ROBO2: variants seen among roughly 807,000 people sequenced by gnomAD.
ROBO2 encodes roundabout homolog 2.
Under a neutral mutation model 160.8 loss-of-function variants are expected in ROBO2, and 53 were observed. The observed-to-expected ratio is 0.33, with a 90% confidence interval of 0.26 to 0.41. ROBO2 has a LOEUF of 0.41. Ranked by LOEUF, ROBO2 falls within the 10% of genes least tolerant of loss-of-function variation. The pLI is 1.00. For missense variants in ROBO2, 1,577 were observed against 1,722.4 expected (o/e 0.92, Z 1.49); for synonymous variants, 664 against 611.7 (o/e 1.09, Z -1.26).
chr3:76,812,677 T>TA, intron 2 of ROBO2, among the ~76,000 whole-genome samples: 1 of 152,012 alleles, frequency 6.6e-6, no homozygotes, highest in African/African-American at 2.4e-5. Flanking sequence ...AGTTCTCAAA[T>TA]AAAAAACTTA....
chr3:77,262,196 A>C (rs529045700), intron 2 of ROBO2, among the ~76,000 whole-genome samples: 15 of 152,280 alleles, frequency 9.9e-5, no homozygotes, highest in Non-Finnish European at 1.6e-4. Context: ...GATGAAGGTC[A>C]AGCAAACATT....
At chr3:76,541,988 T>G (rs2082843179) in intron 2 of ROBO2, among the ~76,000 whole-genome samples, 1 of 152,162 alleles carries the variant, frequency 6.6e-6, no homozygotes. Context: ...GCACTTACCT[T>G]CACCAAATGC....
At chr3:76,328,908 T>TTA (rs201466987) in intron 2 of ROBO2, among the ~76,000 whole-genome samples, 7,632 of 135,816 alleles carry the variant, frequency 0.056, 216 homozygotes, top group East Asian at 0.11. Context: ...ATTTATGTTA[T>TTA]TATATATATA....
At chr3:76,814,957 C>G (rs1560612153) in intron 2 of ROBO2, among the ~76,000 whole-genome samples, 1 of 151,962 alleles carries the variant, frequency 6.6e-6, no homozygotes, top group Non-Finnish European at 1.5e-5. Flanking sequence ...AGAAAACAAG[C>G]AATTCATGCA....
chr3:76,802,031 G>T (rs2064239650), intron 2 of ROBO2, among the ~76,000 whole-genome samples: 1 of 152,102 alleles, frequency 6.6e-6, no homozygotes, highest in Admixed American at 6.5e-5. Context: ...TGTGAGCAGG[G>T]TCCATGGCAC....
At chr3:77,334,183 G>C (rs1442048759) in intron 2 of ROBO2, among the ~76,000 whole-genome samples, 1 of 152,176 alleles carries the variant, frequency 6.6e-6, no homozygotes, top group Non-Finnish European at 1.5e-5. Flanking sequence ...GCTGTACGTG[G>C]ATTAGGTAGT....
At chr3:77,430,881 A>G (rs561808201) in intron 2 of ROBO2, among the ~76,000 whole-genome samples, 150 of 152,320 alleles carry the variant, frequency 9.8e-4, no homozygotes, top group African/African-American at 3.5e-3. Flanking sequence ...AGATTCTGTC[A>G]GTGATTTTTG....
At chr3:77,457,605 C>A (rs1045209744) in intron 2 of ROBO2, among the ~76,000 whole-genome samples, 1 of 152,100 alleles carries the variant, frequency 6.6e-6, no homozygotes, top group East Asian at 1.9e-4. Context: ...CAACAGGGAT[C>A]ACTTTCTTTT....
chr3:77,312,376 T>C (rs970123874), intron 2 of ROBO2, among the ~76,000 whole-genome samples: 2 of 152,212 alleles, frequency 1.3e-5, no homozygotes, highest in Non-Finnish European at 2.9e-5. Context: ...GAGTTTTACC[T>C]GTATTATTTG....
At chr3:77,304,618 G>A (rs1043740140) in intron 2 of ROBO2, among the ~76,000 whole-genome samples, 3 of 152,126 alleles carry the variant, frequency 2.0e-5, no homozygotes, top group Non-Finnish European at 4.4e-5. Flanking sequence ...TTCCATCACT[G>A]AAATTTCTAT....
chr3:76,327,475 T>A (rs1302748315), intron 2 of ROBO2, among the ~76,000 whole-genome samples: 1 of 152,152 alleles, frequency 6.6e-6, no homozygotes, highest in East Asian at 1.9e-4. Context: ...TAGCTAGAAT[T>A]TTGGCCAGCA....
chr3:76,367,230 A>G (rs1393181537), intron 2 of ROBO2, among the ~76,000 whole-genome samples: 1 of 152,050 alleles, frequency 6.6e-6, no homozygotes, highest in Non-Finnish European at 1.5e-5. Flanking sequence ...AACATTCTGA[A>G]CAATTGTAGA....
chr3:76,900,926 A>G (rs2075175079), intron 2 of ROBO2, among the ~76,000 whole-genome samples: 1 of 152,208 alleles, frequency 6.6e-6, no homozygotes, highest in African/African-American at 2.4e-5. Flanking sequence ...AATGAAGAAA[A>G]ATAAATTCAC....
At chr3:77,320,313 A>G (rs1224164205) in intron 2 of ROBO2, among the ~76,000 whole-genome samples, 1 of 152,118 alleles carries the variant, frequency 6.6e-6, no homozygotes, top group Non-Finnish European at 1.5e-5. Context: ...TGTGATTCAG[A>G]GCTCTGACCA....
At chr3:76,136,019 G>C (rs1226988294) in intron 2 of ROBO2, among the ~76,000 whole-genome samples, 2 of 151,984 alleles carry the variant, frequency 1.3e-5, no homozygotes, top group Non-Finnish European at 2.9e-5. Context: ...GTTTGGTACT[G>C]AAACAATTCA....
intron 2 of ROBO2, among the ~76,000 whole-genome samples, chr3:76,575,293 G>T (rs1171390883): frequency 6.6e-6 from 1 of 151,834 alleles, no homozygotes; most frequent in Non-Finnish European, 1.5e-5. Context: ...AATTTTGGAG[G>T]TAAACTCTAA....
chr3:76,713,803 G>T (rs915401015), intron 2 of ROBO2, among the ~76,000 whole-genome samples: 8 of 152,026 alleles, frequency 5.3e-5, no homozygotes, highest in African/African-American at 1.9e-4. Context: ...TAAGTTCTCA[G>T]TCATAACTAT....
chr3:77,279,951 TATATA>T (rs1358409435), intron 2 of ROBO2, among the ~76,000 whole-genome samples: 1 of 152,158 alleles, frequency 6.6e-6, no homozygotes, highest in Non-Finnish European at 1.5e-5. Context: ...AAACCTCTCT[TATATA>T]ATATATTGGC....
intron 2 of ROBO2, among the ~76,000 whole-genome samples, chr3:76,800,936 G>C (rs966770308): frequency 6.6e-6 from 1 of 152,190 alleles, no homozygotes; most frequent in Non-Finnish European, 1.5e-5. Context: ...ATATTGAAGA[G>C]ATATCTGAAC....
Sources: allele counts gnomAD v4.1 joint callset (sites outside exome capture counted in the v4.1 genomes callset), GRCh38; gene constraint gnomAD v4.1.1; transcripts MANE v1.5; gene names NCBI Gene and HGNC (gene_info 2026-07-23, HGNC 2026-07-21).